Variants in MYO9A observed in about 807,000 individuals in gnomAD.
The protein encoded by MYO9A is myosin IXA, also known as unconventional myosin-IXa.
In MYO9A, 103 loss-of-function variants were observed where a neutral mutation model predicts 293.3. That is an observed-to-expected ratio of 0.35 (90% confidence interval 0.30 to 0.41). The LOEUF (loss-of-function observed/expected upper bound fraction) is 0.41. Ranked by LOEUF, MYO9A falls within the 10% of genes least tolerant of loss-of-function variation. The pLI is 1.00. For synonymous variants in MYO9A, 1,001 were observed against 1,035.7 expected (o/e 0.97, Z 0.64); for missense variants, 2,685 against 3,033.0 (o/e 0.89, Z 2.69).
At chr15:72,028,325 T>C (rs2077747456) in intron 3 of MYO9A, among the ~76,000 whole-genome samples, 1 of 150,140 alleles carries the variant, frequency 6.7e-6, no homozygotes, top group African/African-American at 2.4e-5. Context: ...ACGAGTCTTT[T>C]TTCTTTCACT....
chr15:72,091,247 ATAGT>A (rs2079899743), intron 1 of MYO9A, among the ~76,000 whole-genome samples: 1 of 152,022 alleles, frequency 6.6e-6, no homozygotes, highest in Non-Finnish European at 1.5e-5. Context: ...ATTGATACAA[ATAGT>A]TAATATAACA....
chr15:72,041,543 T>G lies in MYO9A; in HGVS notation c.840+4181A>C, dbSNP rs1262034280. The G allele has an allele frequency of 1.2e-5, 4 of 346,930 alleles. No homozygotes were observed. In the East Asian group the frequency reaches 3.1e-4, roughly 27 times the overall value. 21.5% of individuals were successfully genotyped at this position (346,930 alleles called of 1,614,324 possible). On this transcript the variant is annotated intron_variant, in intron 2 of 41. Transcript: ENST00000356056. ...AAGTTAACATCTTCACTATTTTGCA[T>G]GGTTGTCCTTTGAACATCATGAAGT...
intron 1 of MYO9A, among the ~76,000 whole-genome samples, chr15:72,090,728 C>T (rs1459303149): frequency 6.6e-6 from 1 of 152,058 alleles, no homozygotes; most frequent in African/African-American, 2.4e-5. Flanking sequence ...GGTTCAGATC[C>T]TACCATTACA....
At position 71,915,126 on chromosome 15, in the gene MYO9A, G is replaced by A. The variant is rs142578967; in HGVS notation, c.2685+1244C>T. Among the ~76,000 whole-genome samples the A allele has an allele frequency of 3.0e-3, 463 of 152,084 alleles. 3 individuals carry two copies. Among genetic ancestry groups the A allele is most frequent in the African/African-American group, 0.011 (451 of 41,502 alleles). On this transcript the variant is annotated intron_variant, in intron 19 of 41. Coordinates refer to ENST00000356056, the MANE Select transcript of MYO9A (RefSeq NM_006901.4). ...TCTGCTTATGACTCATATTTATGTTGTATATTAATAAACTTATATTACTCA... is the reference window on the plus strand; with the variant it reads ...TCTGCTTATGACTCATATTTATGTTATATATTAATAAACTTATATTACTCA...
intron 39 of MYO9A, among the ~76,000 whole-genome samples, chr15:71,843,360 C>T (rs185291482): frequency 2.3e-4 from 35 of 152,250 alleles, no homozygotes; most frequent in African/African-American, 7.5e-4. Flanking sequence ...ACCGGGGAGG[C>T]GGAGGTTGCA....
chr15:72,110,158 G>A (rs547205760), intron 1 of MYO9A, among the ~76,000 whole-genome samples: 15 of 151,740 alleles, frequency 9.9e-5, no homozygotes, highest in African/African-American at 3.4e-4. Flanking sequence ...ATTCCAGGCC[G>A]GGTGTGGTGG....
At chr15:71,962,498 T>C (rs2075770986) in intron 13 of MYO9A, among the ~76,000 whole-genome samples, 1 of 152,164 alleles carries the variant, frequency 6.6e-6, no homozygotes, top group Admixed American at 6.5e-5. Context: ...GTATGTATTA[T>C]AAAAGAAAAT....
At chr15:71,975,119 C>T (rs1398985582) in intron 12 of MYO9A, among the ~76,000 whole-genome samples, 1 of 152,158 alleles carries the variant, frequency 6.6e-6, no homozygotes, top group Non-Finnish European at 1.5e-5. Flanking sequence ...TGAAAGGAAG[C>T]CTGCAAACTT....
chr15:72,015,218 C>T (rs971218954), intron 6 of MYO9A, among the ~76,000 whole-genome samples: 2 of 151,836 alleles, frequency 1.3e-5, no homozygotes, highest in Admixed American at 6.6e-5. Context: ...TATACTAGAC[C>T]GGCAGAGGGT....
chr15:72,100,518 C>T (rs994395172), intron 1 of MYO9A, among the ~76,000 whole-genome samples: 1 of 147,272 alleles, frequency 6.8e-6, no homozygotes, highest in Non-Finnish European at 1.5e-5. Context: ...AGGTGAGGAG[C>T]GCCTCTTTCC....
intron 26 of MYO9A, chr15:71,891,973 A>G (rs2057190787): frequency 6.6e-6 from 1 of 152,224 alleles, no homozygotes; most frequent in Admixed American, 6.5e-5. Context: ...GACAGACACT[A>G]AAGAATATTA....
intron 19 of MYO9A, among the ~76,000 whole-genome samples, chr15:71,906,996 GGTTA>G (rs1418935406): frequency 4.0e-5 from 6 of 148,370 alleles, no homozygotes; most frequent in South Asian, 2.2e-4. Flanking sequence ...ACAATGTGCA[GGTTA>G]GTTACATATG....
intron 14 of MYO9A, among the ~76,000 whole-genome samples, chr15:71,956,330 A>AAAAAAAAAAATATATATATAT (rs10642655): frequency 1.3e-5 from 1 of 75,584 alleles, no homozygotes; most frequent in African/African-American, 6.0e-5. Flanking sequence ...AAAAAAAAAA[A>AAAAAAAAAAATATATATATAT]ATATATATAT....
chr15:71,893,096 C>T (rs1409343508), intron 26 of MYO9A: 1 of 1,289,968 alleles, frequency 7.8e-7, no homozygotes, highest in Non-Finnish European at 1.0e-6. Context: ...TCCCCCTCCC[C>T]ATCGGCAAAA....
chr15:71,909,308 G>C (rs1015193240), intron 19 of MYO9A, among the ~76,000 whole-genome samples: 1 of 152,164 alleles, frequency 6.6e-6, no homozygotes, highest in African/African-American at 2.4e-5. Context: ...TAAAAATATA[G>C]TTTATAAGAA....
chr15:71,953,358 G>C (rs1164484782), intron 14 of MYO9A, among the ~76,000 whole-genome samples: 1 of 152,190 alleles, frequency 6.6e-6, no homozygotes, highest in African/African-American at 2.4e-5. Context: ...GTGAGTTCTA[G>C]TCAGACTCCA....
intron 4 of MYO9A, among the ~76,000 whole-genome samples, chr15:72,026,296 A>AAAAAAAAAAAAAAC (rs2077671202): frequency 1.1e-5 from 1 of 92,716 alleles, no homozygotes; most frequent in African/African-American, 4.1e-5. Context: ...AAAAAAAAAA[A>AAAAAAAAAAAAAAC]GAAAGAAAAG....
intron 1 of MYO9A, among the ~76,000 whole-genome samples, chr15:72,059,247 C>T (rs139525091): frequency 9.2e-5 from 14 of 152,236 alleles, no homozygotes; most frequent in African/African-American, 3.1e-4. Flanking sequence ...ATGAATAGTA[C>T]CAAAGCATTA....
chr15:72,053,245 C>CA (rs1053095798), intron 1 of MYO9A, among the ~76,000 whole-genome samples: 38 of 144,046 alleles, frequency 2.6e-4, no homozygotes, highest in Middle Eastern at 3.6e-3. Context: ...ATTAAAAGTA[C>CA]AAAAAAAAAA....
Sources: gnomAD v4.1 joint callset for allele counts (sites outside exome capture counted in the v4.1 genomes callset) on GRCh38, gnomAD v4.1.1 for gene constraint, MANE v1.5 for transcripts, NCBI Gene and HGNC (gene_info 2026-07-23, HGNC 2026-07-21) for gene names.